Variants in RGL1 observed in about 807,000 individuals in gnomAD.
The protein encoded by RGL1 is ral guanine nucleotide dissociation stimulator-like 1.
Under a neutral mutation model 95.2 loss-of-function variants are expected in RGL1, and 24 were observed. The observed-to-expected ratio is 0.25, with a 90% confidence interval of 0.18 to 0.35. The LOEUF (loss-of-function observed/expected upper bound fraction) is 0.35, where lower values mean the gene tolerates loss of function less well. Among genes scored for constraint, RGL1 ranks in the 10% least tolerant of loss-of-function variants. The pLI is 1.00. For missense variants in RGL1, 715 were observed against 936.3 expected, an observed-to-expected ratio of 0.76 and a Z score of 3.08; for synonymous variants, 329 against 344.9, an observed-to-expected ratio of 0.95 and a Z score of 0.51.
intron 16 of RGL1, among the ~76,000 whole-genome samples, chr1:183,920,290 C>T (rs1378755177): frequency 6.6e-6 from 1 of 152,202 alleles, no homozygotes; most frequent in Non-Finnish European, 1.5e-5. Context: ...CTGCCTCGGC[C>T]TCCCAAAGTT....
At chr1:183,738,336 G>T (rs1005720484) in intron 1 of RGL1, among the ~76,000 whole-genome samples, 3 of 151,630 alleles carry the variant, frequency 2.0e-5, no homozygotes, top group African/African-American at 7.3e-5. Context: ...CATGAGAATC[G>T]CTTGAACCCT....
chr1:183,721,999 T>C (rs185868721), intron 1 of RGL1, among the ~76,000 whole-genome samples: 3 of 152,264 alleles, frequency 2.0e-5, no homozygotes, highest in Admixed American at 2.0e-4. Flanking sequence ...GTTGCAAGCA[T>C]GGATAGGGAT....
rs1170773069 is a variant in RGL1, at chr1:183,916,528, C to T, written c.1831C>T (p.Leu611Phe). ...SSGMSSLINP[L>F]SSPPSCNNNP... ...AGGGATGTCTTCCTTAATCAACCCC[C>T]TCTCCTCCCCTCCGTCCTGCAACAA... is the stretch of plus-strand genomic sequence containing the variant. The change falls in exon 16 of 18, where the codon CTC (leucine) becomes TTC (phenylalanine). Residue 611 changes from leucine to phenylalanine, a missense_variant. Coordinates refer to ENST00000360851, the MANE Select transcript of RGL1 (RefSeq NM_001297671.3). 1 of 1,613,828 alleles carries T rather than the reference C, an allele frequency of 6.2e-7. No individual in the cohort carries two copies. Among genetic ancestry groups the T allele is most frequent in the Non-Finnish European group, 8.5e-7 (1 of 1,179,980 alleles).
At chr1:183,742,021 T>C in intron 1 of RGL1, 1 of 811,636 alleles carries the variant, frequency 1.2e-6, no homozygotes, top group Non-Finnish European at 1.9e-6. Context: ...GATACTGTCT[T>C]TAATGGTCTC....
At chr1:183,639,236 G>A (rs896942244) in intron 1 of RGL1, among the ~76,000 whole-genome samples, 2 of 149,486 alleles carry the variant, frequency 1.3e-5, no homozygotes, top group Non-Finnish European at 3.0e-5. Flanking sequence ...AGCTGAGATC[G>A]TGCCATTGCA....
intron 2 of RGL1, 149 bp downstream of exon 2, chr1:183,806,634 C>T (rs1453446027): frequency 9.9e-6 from 6 of 606,128 alleles, no homozygotes; most frequent in Non-Finnish European, 1.7e-5. Context: ...TTTGCACTAG[C>T]TGAACAGGTC....
intron 4 of RGL1, among the ~76,000 whole-genome samples, chr1:183,872,771 C>A (rs563384061): frequency 6.6e-6 from 1 of 152,320 alleles, no homozygotes; most frequent in South Asian, 2.1e-4. Flanking sequence ...AATCAATATT[C>A]ATTCCTGCAA....
At chr1:183,890,041 A>G (rs1275331945) in intron 8 of RGL1, among the ~76,000 whole-genome samples, 1 of 152,148 alleles carries the variant, frequency 6.6e-6, no homozygotes, top group African/African-American at 2.4e-5. Context: ...GTGAAATGCG[A>G]TGGGAAAATC....
intron 2 of RGL1, among the ~76,000 whole-genome samples, chr1:183,744,485 G>A (rs1421434839): frequency 6.6e-6 from 1 of 152,102 alleles, no homozygotes; most frequent in Non-Finnish European, 1.5e-5. Flanking sequence ...TTGAGAGTGA[G>A]TGTATCCTTA....
intron 3 of RGL1, among the ~76,000 whole-genome samples, chr1:183,858,581 ATTTAATGGTT>A (rs1304176438): frequency 6.6e-6 from 1 of 152,216 alleles, no homozygotes; most frequent in Non-Finnish European, 1.5e-5. Context: ...ATTCAGGTAA[ATTTAATGGTT>A]TTAGAAAGTA....
intron 1 of RGL1, among the ~76,000 whole-genome samples, chr1:183,655,164 C>A (rs1651058764): frequency 6.6e-6 from 1 of 152,162 alleles, no homozygotes; most frequent in African/African-American, 2.4e-5. Flanking sequence ...TTTACAAAGA[C>A]TAAACTATCC....
At chr1:183,906,778 A>AT (rs1483397268) in intron 13 of RGL1, among the ~76,000 whole-genome samples, 3 of 137,058 alleles carry the variant, frequency 2.2e-5, no homozygotes, top group Non-Finnish European at 4.8e-5. Context: ...GCAGAACTAA[A>AT]TAGCCTCAAT....
At chr1:183,659,804 A>G (rs1239596814) in intron 1 of RGL1, among the ~76,000 whole-genome samples, 1 of 151,668 alleles carries the variant, frequency 6.6e-6, no homozygotes, top group Non-Finnish European at 1.5e-5. Flanking sequence ...GGGCAGCCAG[A>G]GAGAAAGGTC....
intron 2 of RGL1, among the ~76,000 whole-genome samples, chr1:183,825,990 C>G (rs1662817038): frequency 7.3e-6 from 1 of 136,394 alleles, no homozygotes; most frequent in Admixed American, 7.9e-5. Flanking sequence ...TACTGAGACC[C>G]TGTTTCTATT....
chr1:183,924,424 T>C (rs910869109), intron 17 of RGL1, among the ~76,000 whole-genome samples: 1 of 151,808 alleles, frequency 6.6e-6, no homozygotes, highest in Admixed American at 6.6e-5. Flanking sequence ...AATGAGAACA[T>C]GAGAACACAT....
intron 1 of RGL1, among the ~76,000 whole-genome samples, chr1:183,667,281 A>C (rs1348516780): frequency 6.6e-6 from 1 of 152,114 alleles, no homozygotes; most frequent in Admixed American, 6.5e-5. Context: ...TCATTCTGGC[A>C]ATCTGTCTTT....
At chr1:183,708,094 A>T (rs1655030300) in intron 1 of RGL1, among the ~76,000 whole-genome samples, 2 of 152,178 alleles carry the variant, frequency 1.3e-5, no homozygotes, top group African/African-American at 2.4e-5. Context: ...TGGACCTGTT[A>T]TGTAATTCGT....
intron 2 of RGL1, among the ~76,000 whole-genome samples, chr1:183,836,258 C>CT (rs373863179): frequency 0.014 from 2,014 of 147,730 alleles, 36 homozygotes; most frequent in African/African-American, 0.046. Flanking sequence ...CTTTTCTTTT[C>CT]TTTTTTTTTT....
At chr1:183,802,507 A>G (rs749444792), upstream of RGL1, among the ~76,000 whole-genome samples, 1 of 149,926 alleles carries the variant, frequency 6.7e-6, no homozygotes, top group Non-Finnish European at 1.5e-5. Flanking sequence ...GATTGCATTG[A>G]ATATGCAGAA....
Sources: gnomAD v4.1 joint callset for allele counts (sites outside exome capture counted in the v4.1 genomes callset) on GRCh38, gnomAD v4.1.1 for gene constraint, MANE v1.5 for transcripts, NCBI Gene and HGNC (gene_info 2026-07-23, HGNC 2026-07-21) for gene names.